The following SUN2 variants were observed in gnomAD, a reference collection of about 807,000 sequenced individuals.
SUN2 encodes the protein Sad1 and UNC84 domain containing 2.
In SUN2, 60 loss-of-function variants were observed where a neutral mutation model predicts 100.0. The ratio of observed to expected loss-of-function variants is 0.60; its 90% confidence interval spans 0.49 to 0.74. SUN2 has a LOEUF of 0.74. SUN2 is among the 30% of genes least tolerant of loss of function. The pLI is 0.00. For synonymous variants in SUN2, 367 were observed against 403.3 expected, an observed-to-expected ratio of 0.91 and a Z score of 1.08; for missense variants, 834 against 954.6, an observed-to-expected ratio of 0.87 and a Z score of 1.66.
rs1432018888 is a variant in SUN2 at position 38,737,532 on chromosome 22, C to T, written c.2040+641G>A. Among the ~76,000 whole-genome samples the T allele has an allele frequency of 6.6e-6, 1 of 152,170 alleles. No homozygotes were observed. The highest frequency in any genetic ancestry group is 1.5e-5 in the Non-Finnish European group (1 of 68,038). On this transcript the variant is annotated intron_variant, in intron 17 of 17. Coordinates refer to ENST00000689035, the MANE Select transcript of SUN2 (RefSeq NM_015374.3). The surrounding 1 kb of genome is among the most constrained non-coding windows in gnomAD (Gnocchi z 4.1). Reference sequence around the variant, plus strand: ...TAGCTTTGTCACCTGAAGCACAGCACTGCCTCCCCCAGGTCCCTGAGGGCT... The same window carrying T: ...TAGCTTTGTCACCTGAAGCACAGCATTGCCTCCCCCAGGTCCCTGAGGGCT...
intron 7 of SUN2, among the ~76,000 whole-genome samples, chr22:38,747,327 G>A (rs1251246870): frequency 6.6e-5 from 8 of 120,398 alleles, no homozygotes; most frequent in South Asian, 2.6e-4. Flanking sequence ...GCAAAACTCC[G>A]TCTCAAAAAA....
Position 38,755,683 on chromosome 22 carries a change from C to A in SUN2, c.-38+80G>T. The A allele has an allele frequency of 5.1e-6, 5 of 979,826 alleles. No individual in the cohort carries two copies. Among genetic ancestry groups the A allele is most frequent in the Non-Finnish European group, 6.1e-6 (5 of 825,020 alleles). 60.7% of individuals were successfully genotyped at this position (979,826 alleles called of 1,614,324 possible). A position where few individuals can be genotyped will look rare whatever the true frequency, so the allele number is the denominator to read the frequency against. On this transcript the variant is annotated intron_variant, in intron 1 of 17. Transcript: ENST00000689035. This position sits in a 1 kb window ranked among gnomAD's most constrained non-coding sequence, Gnocchi z 5.7. ...GGAAGCAGGCCTGGCGGCGCGGCCCCGCCCGAGTGGCCCGACGGTGACCCG... is the reference window on the plus strand; with the variant it reads ...GGAAGCAGGCCTGGCGGCGCGGCCCAGCCCGAGTGGCCCGACGGTGACCCG...
Position 38,739,180 on chromosome 22 carries a change from T to C in SUN2, c.1663+162A>G. 2 of 921,856 alleles carry C rather than the reference T, an allele frequency of 2.2e-6. No individual in the cohort carries two copies. The highest frequency in any genetic ancestry group is 1.5e-5 in the South Asian group (1 of 65,560). The allele number at this position is 921,856 out of a possible 1,614,324, so 57.1% of individuals were successfully genotyped here. On this transcript the variant is annotated intron_variant, in intron 14 of 17. Transcript: ENST00000689035. This position sits in a 1 kb window ranked among gnomAD's most constrained non-coding sequence, Gnocchi z 6.7. ...AGGATGGTACTCGGTACGTCCTGAC[T>C]TCCCTGAATTGCCACTTGCCTTTGT...
At position 38,738,737 on chromosome 22, in the gene SUN2, G is replaced by A. The variant is rs749129041; in HGVS notation, c.1797C>T (p.Gly599=). The A allele has an allele frequency of 1.9e-6, 3 of 1,613,564 alleles. No individual in the cohort carries two copies. The highest frequency in any genetic ancestry group is 2.5e-6 in the Non-Finnish European group (3 of 1,179,964). ...GTGGCCCCTGGAAGGCCCAGCAGTTGCCTGGGTGCACATCTGGCTGGAGGA... is the reference window on the plus strand; with the variant it reads ...GTGGCCCCTGGAAGGCCCAGCAGTTACCTGGGTGCACATCTGGCTGGAGGA... ...RVILQPDVHP[G]NCWAFQGPQG... is the part of the protein sequence containing the mutation. Residue 599 remains glycine, a synonymous_variant, in exon 16 of 18, where the codon GGC becomes GGT. Coordinates refer to ENST00000689035, the MANE Select transcript of SUN2 (RefSeq NM_015374.3). This position sits in a 1 kb window ranked among gnomAD's most constrained non-coding sequence, Gnocchi z 6.6.
In SUN2 at chr22:38,738,291, G is replaced by A. The variant is rs1342638734; in HGVS notation, c.1948-26C>T. On this transcript the variant is annotated intron_variant, in intron 16 of 17. Coordinates refer to ENST00000689035, the MANE Select transcript of SUN2 (RefSeq NM_015374.3). The surrounding 1 kb of genome is among the most constrained non-coding windows in gnomAD (Gnocchi z 6.6). ...CTGCAAAGAGAGCGGAGGGAAGTGG[G>A]GAGGGGCTGGAGCAGGGAGAACACC... The A allele has an allele frequency of 6.3e-7, 1 of 1,595,100 alleles. No individual in the cohort carries two copies. Among genetic ancestry groups the A allele is most frequent in the Admixed American group, 1.7e-5 (1 of 59,822 alleles).
In SUN2 at chr22:38,735,275, G is replaced by T. The variant is rs757490603; in HGVS notation, c.*992C>A. On this transcript the variant is annotated 3_prime_UTR_variant, in exon 18 of 18. Coordinates refer to ENST00000689035, the MANE Select transcript of SUN2 (RefSeq NM_015374.3). ...AACAAGAGCTGCAAGAGCCCAAGGG[G>T]GCAGCCTGAGCGGACGACCCCTACA... The T allele has an allele frequency of 2.2e-6, 1 of 455,406 alleles. No individual in the cohort carries two copies. Among genetic ancestry groups the T allele is most frequent in the Non-Finnish European group, 4.4e-6 (1 of 226,520 alleles). 28.2% of individuals were successfully genotyped at this position (455,406 alleles called of 1,614,324 possible).
chr22:38,745,603 C>A, intron 8 of SUN2, 81 bp downstream of exon 8: 2 of 1,562,654 alleles, frequency 1.3e-6, no homozygotes, highest in Non-Finnish European at 1.7e-6. Flanking sequence ...CGGTGTGAGG[C>A]AGGCTGAGGG....
At position 38,735,364 on chromosome 22, in the gene SUN2, C is replaced by T. The variant is rs1292982181; in HGVS notation, c.*903G>A. 2.6e-6 allele frequency: 1 copy of T among 391,818 alleles called. No individual in the cohort carries two copies. The highest frequency in any genetic ancestry group is 7.4e-5 in the East Asian group (1 of 13,540). The allele number at this position is 391,818 out of a possible 1,614,324, so 24.3% of individuals were successfully genotyped here. Reference sequence around the variant, plus strand: ...CCTCGCACCCCGATACCCTGAACGTCCCCACAAGAGCCCAGGAGTTCCATG... The same window carrying T: ...CCTCGCACCCCGATACCCTGAACGTTCCCACAAGAGCCCAGGAGTTCCATG... On this transcript the variant is annotated 3_prime_UTR_variant, in exon 18 of 18. Coordinates refer to ENST00000689035, the MANE Select transcript of SUN2 (RefSeq NM_015374.3).
Position 38,740,387 on chromosome 22 carries a change from C to T in SUN2, c.1236G>A (p.Arg412=), listed in dbSNP as rs2092846009. The part of the protein sequence containing the change: ...SFQESSVKEL[R]RLEDQLAGLQ... ...GGCCGGCCAGCTGGTCCTCCAGCCG[C>T]CTCAGCTCCTTCACAGAGCTCTCCT... is the stretch of plus-strand genomic sequence containing the variant. The change falls in exon 12 of 18, where the codon AGG becomes AGA. Residue 412 remains arginine (R), a synonymous_variant. Coordinates refer to ENST00000689035, the MANE Select transcript of SUN2 (RefSeq NM_015374.3). This position sits in a 1 kb window ranked among gnomAD's most constrained non-coding sequence, Gnocchi z 4.8. 1 of 1,573,892 alleles carries T rather than the reference C, an allele frequency of 6.4e-7. No homozygotes were observed. The highest frequency in any genetic ancestry group is 1.8e-5 in the Admixed American group (1 of 54,516).
intron 1 of SUN2, among the ~76,000 whole-genome samples, chr22:38,754,203 C>T (rs1251092476): frequency 6.6e-6 from 1 of 152,158 alleles, no homozygotes; most frequent in Non-Finnish European, 1.5e-5. Context: ...ATTCAAAGTC[C>T]CCGACTGCCA....
rs1041218708 is a variant in SUN2, at chr22:38,737,767, TAGG to T, written c.2040+403_2040+405del. The T allele has an allele frequency of 2.6e-6, 1 of 390,604 alleles. No homozygotes were observed. The highest frequency in any genetic ancestry group is 5.1e-6 in the Non-Finnish European group (1 of 196,638). 24.2% of individuals were successfully genotyped at this position (390,604 alleles called of 1,614,324 possible). On this transcript the variant is annotated intron_variant, in intron 17 of 17. Transcript: ENST00000689035. This position sits in a 1 kb window ranked among gnomAD's most constrained non-coding sequence, Gnocchi z 4.1. ...TGGGAATCTGCATTTCTAACTGACTTAGGAGATCGGATGCCCACTGAAGTTTAA... is the reference window on the plus strand; with the variant it reads ...TGGGAATCTGCATTTCTAACTGACTTAGATCGGATGCCCACTGAAGTTTAA...
rs1458806157 is a variant in SUN2, at chr22:38,738,296, G to A, written c.1948-31C>T. On this transcript the variant is annotated intron_variant, in intron 16 of 17. Transcript: ENST00000689035. The surrounding 1 kb of genome is among the most constrained non-coding windows in gnomAD (Gnocchi z 6.6). Reference sequence around the variant, plus strand: ...AAGAGAGCGGAGGGAAGTGGGGAGGGGCTGGAGCAGGGAGAACACCCCTCC... The same window carrying A: ...AAGAGAGCGGAGGGAAGTGGGGAGGAGCTGGAGCAGGGAGAACACCCCTCC... 10 of 1,587,332 alleles carry A rather than the reference G, an allele frequency of 6.3e-6. No individual in the cohort carries two copies. Among genetic ancestry groups the A allele is most frequent in the Admixed American group, 1.7e-5 (1 of 59,716 alleles).
chr22:38,745,554 T>C (rs997256083), intron 8 of SUN2, 130 bp downstream of exon 8: 46 of 1,236,884 alleles, frequency 3.7e-5, no homozygotes, highest in Non-Finnish European at 5.2e-5. Context: ...CTGTGCCTTG[T>C]AAGATGGCAA....
At position 38,738,967 on chromosome 22, in the gene SUN2, C is replaced by G; in HGVS notation, c.1685G>C (p.Arg562Pro). 6.2e-7 allele frequency: 1 copy of G among 1,612,902 alleles called. No homozygotes were observed. The highest frequency in any genetic ancestry group is 8.5e-7 in the Non-Finnish European group (1 of 1,179,562). The change falls in exon 15 of 18, where the codon CGA becomes CCA. Residue 562 changes from arginine to proline, a missense_variant. Arg to Pro is a moderately radical substitution (Grantham distance 103, BLOSUM62 -2). This residue lies in a region of SUN2 where 195 missense variants were observed against 280.2 expected (regional missense o/e 0.70). Transcript: ENST00000689035. This position sits in a 1 kb window ranked among gnomAD's most constrained non-coding sequence, Gnocchi z 6.6. ...ESGGASVIST[R>P]CSETYETKTA... ...CTTGGTCTCGTAGGTCTCAGAACAT[C>G]GGGTGCTGATGACGCTGGCCCCTGA...
At position 38,737,406 on chromosome 22, in the gene SUN2, C is replaced by T. The variant is rs1026640305; in HGVS notation, c.2040+767G>A. Among the ~76,000 whole-genome samples, 1 of 152,174 alleles carries T rather than the reference C, an allele frequency of 6.6e-6. No homozygotes were observed. Among genetic ancestry groups the T allele is most frequent in the Admixed American group, 6.5e-5 (1 of 15,268 alleles). On this transcript the variant is annotated intron_variant, in intron 17 of 17. Coordinates refer to ENST00000689035, the MANE Select transcript of SUN2 (RefSeq NM_015374.3). The surrounding 1 kb of genome is among the most constrained non-coding windows in gnomAD (Gnocchi z 4.1). Reference sequence around the variant, plus strand: ...TCACTCCCAACGCCCCTCTCCCCCACCTATCCTGTTCTGGCTGCTTTCCCT... The same window carrying T: ...TCACTCCCAACGCCCCTCTCCCCCATCTATCCTGTTCTGGCTGCTTTCCCT...
chr22:38,736,355 A>T lies in SUN2; in HGVS notation c.2066T>A (p.Val689Glu). 6.2e-7 allele frequency: 1 copy of T among 1,613,866 alleles called. No homozygotes were observed. Among genetic ancestry groups the T allele is most frequent in the Non-Finnish European group, 8.5e-7 (1 of 1,179,860 alleles). The change falls in exon 18 of 18, where the codon GTG becomes GAG. Residue 689 changes from valine (V) to glutamate (E), a missense_variant. Physicochemically the swap from Val to Glu is moderately radical, Grantham distance 121 (BLOSUM62 -2). Coordinates refer to ENST00000689035, the MANE Select transcript of SUN2 (RefSeq NM_015374.3). ...GTTAGTCAGGATCCGCAGCTCCACC[A>T]CCTGGTACGTGGCCATCGTAGGGGC... ...FQAPTMATYQ[V>E]VELRILTNWG...
chr22:38,752,760 G>A lies in SUN2; in HGVS notation c.-37-95C>T, dbSNP rs899332534. ...GGGACAGAGGCATCGCCTCACAGCCGAGAACAGACCACCCCCCCGGCCCCC... is the reference window on the plus strand; with the variant it reads ...GGGACAGAGGCATCGCCTCACAGCCAAGAACAGACCACCCCCCCGGCCCCC... On this transcript the variant is annotated intron_variant, in intron 1 of 17. Transcript: ENST00000689035. 5.0e-6 allele frequency: 7 copies of A among 1,388,474 alleles called. No individual in the cohort carries two copies. The African/African-American group carries it at 8.6e-5, about 17-fold the overall frequency. The allele number at this position is 1,388,474 out of a possible 1,614,324, so 86.0% of individuals were successfully genotyped here.
Position 38,741,465 on chromosome 22 carries a change from C to G in SUN2, c.1146+29G>C, listed in dbSNP as rs376137870. The G allele has an allele frequency of 7.3e-5, 117 of 1,606,730 alleles. 1 individual carries two copies. The African/African-American group carries it at 1.5e-3, about 21-fold the overall frequency. ...GTTGGATGGGGTCAGGACCCAGTCA[C>G]AGGCCCTGAGTGCCGCAAGCCCGCT... On this transcript the variant is annotated intron_variant, in intron 10 of 17. Coordinates refer to ENST00000689035, the MANE Select transcript of SUN2 (RefSeq NM_015374.3).
chr22:38,749,752 G>A lies in SUN2; in HGVS notation c.614+14C>T. On this transcript the variant is annotated intron_variant, in intron 6 of 17. Coordinates refer to ENST00000689035, the MANE Select transcript of SUN2 (RefSeq NM_015374.3). ...GGCCTTGCGATTTATTGGCAAGGGT[G>A]GAGTCTCGCTCACCTGGTTAAAACG... 2 of 1,613,158 alleles carry A rather than the reference G, an allele frequency of 1.2e-6. No homozygotes were observed. The highest frequency in any genetic ancestry group is 8.5e-7 in the Non-Finnish European group (1 of 1,179,206).
Sources: gnomAD v4.1 joint callset for allele counts (sites outside exome capture counted in the v4.1 genomes callset) on GRCh38, gnomAD v4.1.1 for gene constraint, gnomAD v4.1.1 regional missense constraint, Gnocchi (gnomAD v3.1) non-coding constraint, MANE v1.5 for transcripts, NCBI Gene and HGNC (gene_info 2026-07-23, HGNC 2026-07-21) for gene names.